CSMD1: variants seen among roughly 807,000 people sequenced by gnomAD.
CSMD1 encodes the protein CUB and sushi domain-containing protein 1.
CSMD1 carries 213 observed loss-of-function variants against 417.5 expected under a neutral mutation model. The ratio of observed to expected loss-of-function variants is 0.51; its 90% CI spans 0.46 to 0.57. The LOEUF (loss-of-function observed/expected upper bound fraction) is 0.57, where lower values mean the gene tolerates loss of function less well. Among genes scored for constraint, CSMD1 ranks in the 20% least tolerant of loss-of-function variants. The pLI, the probability that CSMD1 is intolerant of heterozygous loss-of-function variation, is 0.00. For synonymous variants in CSMD1, 2,862 were observed against 1,736.8 expected (o/e 1.65, Z -16.11); for missense variants, 6,923 against 4,529.7 (o/e 1.53, Z -15.17).
At chr8:3,035,506 C>T (rs899178921) in intron 50 of CSMD1, among the ~76,000 whole-genome samples, 45 of 152,192 alleles carry the variant, frequency 3.0e-4, no homozygotes, top group African/African-American at 1.0e-3. Context: ...AGAAACAATA[C>T]GGGAAAATTT....
chr8:4,813,965 T>A (rs554448953), intron 1 of CSMD1, among the ~76,000 whole-genome samples: 1 of 152,246 alleles, frequency 6.6e-6, no homozygotes, highest in Non-Finnish European at 1.5e-5. Context: ...TAGTAATCAG[T>A]GATTCATAAT....
At chr8:3,197,676 G>C (rs1796778863) in intron 33 of CSMD1, among the ~76,000 whole-genome samples, 2 of 152,106 alleles carry the variant, frequency 1.3e-5, no homozygotes, top group Admixed American at 6.5e-5. Flanking sequence ...ATGTTAGCCA[G>C]GATGGTCTCG....
chr8:2,948,277 G>C (rs1323052667), intron 68 of CSMD1, among the ~76,000 whole-genome samples: 2 of 151,816 alleles, frequency 1.3e-5, no homozygotes, highest in Non-Finnish European at 2.9e-5. Context: ...AACAACCTTG[G>C]GAACTTCTAT....
chr8:4,545,731 A>G (rs1183718415), intron 2 of CSMD1, among the ~76,000 whole-genome samples: 3 of 152,092 alleles, frequency 2.0e-5, no homozygotes, highest in African/African-American at 7.2e-5. Flanking sequence ...CAAATTCCTC[A>G]CTTTCACAGG....
intron 3 of CSMD1, among the ~76,000 whole-genome samples, chr8:4,154,694 C>CTTCCTT: frequency 6.6e-6 from 1 of 152,128 alleles, no homozygotes; most frequent in Admixed American, 6.5e-5. Flanking sequence ...TCATTAAAAA[C>CTTCCTT]GTACAAGGAA....
intron 25 of CSMD1, among the ~76,000 whole-genome samples, chr8:3,306,045 T>C (rs1302743987): frequency 1.3e-5 from 2 of 152,252 alleles, no homozygotes; most frequent in Non-Finnish European, 2.9e-5. Context: ...ATTCTAGATA[T>C]GCTTTAATTG....
chr8:4,812,671 T>C (rs996297576), intron 1 of CSMD1, among the ~76,000 whole-genome samples: 5 of 152,166 alleles, frequency 3.3e-5, no homozygotes. Context: ...TATAATTTAG[T>C]CCATTAAGCA....
At chr8:3,803,191 T>A (rs1399833080) in intron 5 of CSMD1, among the ~76,000 whole-genome samples, 1 of 152,014 alleles carries the variant, frequency 6.6e-6, no homozygotes, top group Non-Finnish European at 1.5e-5. Context: ...CATTCATTTG[T>A]TCAGAAATAA....
At chr8:4,942,551 A>C (rs773389849) in intron 1 of CSMD1, among the ~76,000 whole-genome samples, 1 of 152,352 alleles carries the variant, frequency 6.6e-6, no homozygotes, top group African/African-American at 2.4e-5. Context: ...ACAGATTAGT[A>C]ATTCTCACAT....
intron 36 of CSMD1, among the ~76,000 whole-genome samples, chr8:3,181,596 A>C (rs1016012755): frequency 1.1e-4 from 17 of 152,196 alleles, no homozygotes; most frequent in Non-Finnish European, 1.9e-4. Flanking sequence ...TTGAGGGAGC[A>C]GTCGGACCCT....
chr8:3,872,727 G>A (rs1805559847), intron 5 of CSMD1, among the ~76,000 whole-genome samples: 1 of 151,936 alleles, frequency 6.6e-6, no homozygotes, highest in Non-Finnish European at 1.5e-5. Flanking sequence ...TATTAACAGA[G>A]TGAACAGATA....
In CSMD1 at chr8:2,955,728, A is replaced by C. The variant is rs774625218; in HGVS notation, c.9855T>G (p.Asp3285Glu). ...CRQPETPAHA[D>E]VRAIDLPTFG... ...AAGTAGGAAGATCGATGGCTCTCACATCCGCGTGTGCCGGGGTTTCTGGCT... is the reference window on the plus strand; with the variant it reads ...AAGTAGGAAGATCGATGGCTCTCACCTCCGCGTGTGCCGGGGTTTCTGGCT... Residue 3285 changes from aspartate to glutamate, a missense_variant, in exon 64 of 70, where the codon GAT becomes GAG. By Grantham distance (45) the Asp-to-Glu change is conservative (BLOSUM62 2). Transcript: ENST00000635120. 2 of 1,613,896 alleles carry C rather than the reference A, an allele frequency of 1.2e-6. No individual in the cohort carries two copies. The highest frequency in any genetic ancestry group is 1.7e-6 in the Non-Finnish European group (2 of 1,179,796).
intron 3 of CSMD1, among the ~76,000 whole-genome samples, chr8:4,160,393 A>G (rs560812821): frequency 6.6e-6 from 1 of 152,338 alleles, no homozygotes; most frequent in South Asian, 2.1e-4. Flanking sequence ...TTATGTTGAC[A>G]TATATATACG....
intron 3 of CSMD1, among the ~76,000 whole-genome samples, chr8:4,194,937 T>C (rs2552111): frequency 3.3e-5 from 5 of 151,738 alleles, no homozygotes; most frequent in South Asian, 4.1e-4. Context: ...GAAGAGGTGA[T>C]TAGTCCCCGG....
intron 5 of CSMD1, among the ~76,000 whole-genome samples, chr8:3,878,442 C>G (rs1206434762): frequency 1.3e-5 from 2 of 152,058 alleles, no homozygotes; most frequent in Non-Finnish European, 1.5e-5. Context: ...ACCAGTCTTG[C>G]CTTTCCAGTG....
In CSMD1 at chr8:4,232,068, G is replaced by A. The variant is rs544891510; in HGVS notation, c.415+187885C>T. Among the ~76,000 whole-genome samples the A allele has an allele frequency of 6.6e-5, 10 of 152,330 alleles. No individual in the cohort carries two copies. In the East Asian group the frequency reaches 1.7e-3, roughly 26 times the overall value. On this transcript the variant is annotated intron_variant, in intron 3 of 69. Coordinates refer to ENST00000635120, the MANE Select transcript of CSMD1 (RefSeq NM_033225.6). ...TACTATGAGGTGTTAGAAGAGCGAA[G>A]TAGTAATTATTGTAGTACTTGATCA...
At chr8:3,162,022 G>T (rs1163420108) in intron 38 of CSMD1, 137 bp downstream of exon 38, 1 of 602,498 alleles carries the variant, frequency 1.7e-6, no homozygotes, top group East Asian at 2.8e-5. Context: ...TGACCAACAT[G>T]CATGATTTAA....
intron 3 of CSMD1, among the ~76,000 whole-genome samples, chr8:4,174,912 G>A (rs1421949523): frequency 1.3e-5 from 2 of 150,444 alleles, no homozygotes; most frequent in Non-Finnish European, 2.9e-5. Flanking sequence ...TGACATCTTT[G>A]CAGAACTGAT....
At chr8:3,801,854 G>C (rs983616668) in intron 5 of CSMD1, among the ~76,000 whole-genome samples, 4 of 152,092 alleles carry the variant, frequency 2.6e-5, no homozygotes, top group Non-Finnish European at 5.9e-5. Context: ...ATTAAAGTAA[G>C]TCAATGAAAA....
Sources: allele counts gnomAD v4.1 joint callset (sites outside exome capture counted in the v4.1 genomes callset), GRCh38; gene constraint gnomAD v4.1.1; transcripts MANE v1.5; gene names NCBI Gene and HGNC (gene_info 2026-07-23, HGNC 2026-07-21).